The following AGBL1 variants were observed in gnomAD, a reference collection of about 807,000 sequenced individuals.
AGBL1 encodes cytosolic carboxypeptidase 4.
In AGBL1, 130 loss-of-function variants were observed where a neutral mutation model predicts 118.9. The observed-to-expected ratio is 1.09, with a 90% CI of 0.95 to 1.26. The LOEUF is 1.26. Among genes scored for constraint, AGBL1 ranks in the 50% most tolerant of loss-of-function variants. The pLI, the probability that AGBL1 is intolerant of heterozygous loss-of-function variation, is 0.00. For synonymous variants in AGBL1, 555 were observed against 478.9 expected, an observed-to-expected ratio of 1.16 and a Z score of -2.08; for missense variants, 1,584 against 1,298.1, an observed-to-expected ratio of 1.22 and a Z score of -3.38.
At chr15:86,296,040 A>C (rs183271226) in intron 17 of AGBL1, 13 of 152,700 alleles carry the variant, frequency 8.5e-5, no homozygotes, top group Admixed American at 3.3e-4. Context: ...ACGTGTATAC[A>C]TGTGTAGACA....
intron 3 of AGBL1, among the ~76,000 whole-genome samples, chr15:86,145,246 C>G (rs990644614): frequency 6.6e-6 from 1 of 152,204 alleles, no homozygotes; most frequent in Non-Finnish European, 1.5e-5. Context: ...ATTCAATCCA[C>G]TACAAGTCAC....
intron 22 of AGBL1, among the ~76,000 whole-genome samples, chr15:86,683,800 T>C (rs918161437): frequency 6.6e-6 from 1 of 152,196 alleles, no homozygotes; most frequent in Admixed American, 6.5e-5. Context: ...ATAAAACTTT[T>C]GAAGTTTTCC....
intron 5 of AGBL1, among the ~76,000 whole-genome samples, chr15:86,210,833 A>C (rs912547993): frequency 4.6e-5 from 7 of 152,130 alleles, no homozygotes; most frequent in Non-Finnish European, 8.8e-5. Context: ...CGTCAGTGTC[A>C]TTCTCCGTCC....
chr15:86,320,670 T>C lies in AGBL1; in HGVS notation c.2374+25262T>C, dbSNP rs150711043. Among the ~76,000 whole-genome samples, 627 of 152,202 alleles carry C rather than the reference T, an allele frequency of 4.1e-3. 6 individuals are homozygous for C. Among genetic ancestry groups the C allele is most frequent in the African/African-American group, 0.014 (586 of 41,534 alleles). On this transcript the variant is annotated intron_variant, in intron 17 of 22. Transcript: ENST00000614907. ...GTATTGTTTCTGATCTTCAAAGAAA[T>C]GCTCTTAACGTCTTACTATTAAGTA...
intron 22 of AGBL1, among the ~76,000 whole-genome samples, chr15:86,785,779 T>C (rs1454965502): frequency 6.6e-6 from 1 of 152,028 alleles, no homozygotes; most frequent in East Asian, 1.9e-4. Context: ...AAGAAATAAA[T>C]CAGGTAATCG....
At position 86,982,771 on chromosome 15, in the gene AGBL1, G is replaced by A. The variant is rs1017757815; in HGVS notation, c.3222-5216G>A. ...ATTGTAAGAATACAGTATATAATAC[G>A]AAATAAGTGTTAACTGTTTTTGCTA... On this transcript the variant is annotated intron_variant, in intron 23 of 24. Coordinates refer to the AGBL1 transcript ENST00000441037. Among the ~76,000 whole-genome samples, 6 of 151,882 alleles carry A rather than the reference G, an allele frequency of 4.0e-5. No individual in the cohort carries two copies. In the South Asian group the frequency reaches 6.2e-4, roughly 16 times the overall value.
intron 21 of AGBL1, among the ~76,000 whole-genome samples, chr15:86,570,302 C>T (rs370995728): frequency 2.6e-5 from 4 of 152,126 alleles, no homozygotes; most frequent in African/African-American, 9.7e-5. Flanking sequence ...TTGACACCAT[C>T]GTGAGAAGGA....
chr15:86,151,759 T>G lies in AGBL1; in HGVS notation c.263-2671T>G, dbSNP rs191147686. Among the ~76,000 whole-genome samples the G allele has an allele frequency of 3.3e-5, 5 of 152,292 alleles. No homozygotes were observed. The East Asian group carries it at 9.6e-4, about 29-fold the overall frequency. On this transcript the variant is annotated intron_variant, in intron 3 of 22. Coordinates refer to ENST00000614907, the MANE Select transcript of AGBL1 (RefSeq NM_001386094.1). Reference sequence around the variant, plus strand: ...TTGTCCCTGTTTGCAGATGACATGATTGTATGTTTAGAAAACCCTATCATC... The same window carrying G: ...TTGTCCCTGTTTGCAGATGACATGAGTGTATGTTTAGAAAACCCTATCATC...
intron 1 of AGBL1, among the ~76,000 whole-genome samples, chr15:86,081,292 C>A (rs545123568): frequency 2.3e-4 from 35 of 152,264 alleles, no homozygotes; most frequent in African/African-American, 7.9e-4. Flanking sequence ...TAATCCACCT[C>A]GGCCTCCCAA....
intron 18 of AGBL1, among the ~76,000 whole-genome samples, chr15:86,408,428 G>A (rs1057060109): frequency 1.4e-4 from 22 of 152,070 alleles, no homozygotes; most frequent in African/African-American, 4.8e-4. Context: ...TAATCTCTTC[G>A]CAGTTAAAGC....
At chr15:86,192,466 G>T (rs887459881) in intron 5 of AGBL1, among the ~76,000 whole-genome samples, 2 of 151,680 alleles carry the variant, frequency 1.3e-5, no homozygotes, top group Non-Finnish European at 2.9e-5. Context: ...TATCACATGG[G>T]CCATTCTAAA....
intron 18 of AGBL1, among the ~76,000 whole-genome samples, chr15:86,401,461 G>T (rs1296498400): frequency 6.6e-6 from 1 of 151,928 alleles, no homozygotes; most frequent in Non-Finnish European, 1.5e-5. Flanking sequence ...AGTTTAATTA[G>T]GTCTCTTTTT....
At chr15:86,870,681 G>T (rs760059562) in intron 22 of AGBL1, among the ~76,000 whole-genome samples, 7 of 152,044 alleles carry the variant, frequency 4.6e-5, no homozygotes, top group Non-Finnish European at 2.9e-5. Context: ...GAAAAAAAAG[G>T]CATCTGATGA....
intron 21 of AGBL1, among the ~76,000 whole-genome samples, chr15:86,660,887 A>G (rs2085527292): frequency 6.6e-6 from 1 of 152,190 alleles, no homozygotes; most frequent in Admixed American, 6.6e-5. Context: ...GTCAAGCAAA[A>G]CTTGAAGGAA....
At chr15:86,574,044 C>G (rs185264839) in intron 21 of AGBL1, among the ~76,000 whole-genome samples, 2 of 150,682 alleles carry the variant, frequency 1.3e-5, no homozygotes, top group Non-Finnish European at 2.9e-5. Context: ...AATAAACAAA[C>G]AAACAAAAAA....
At chr15:86,697,161 AGTTTT>A (rs2086277677) in intron 22 of AGBL1, among the ~76,000 whole-genome samples, 1 of 151,932 alleles carries the variant, frequency 6.6e-6, no homozygotes, top group African/African-American at 2.4e-5. Context: ...AGGCCAGGGA[AGTTTT>A]CCTCAATTAT....
intron 22 of AGBL1, among the ~76,000 whole-genome samples, chr15:86,752,413 A>C (rs1239560186): frequency 6.6e-6 from 1 of 152,146 alleles, no homozygotes; most frequent in African/African-American, 2.4e-5. Context: ...TTAAAGACAA[A>C]GCCATTCATC....
chr15:86,848,541 A>G (rs2079352025), intron 22 of AGBL1, among the ~76,000 whole-genome samples: 1 of 152,146 alleles, frequency 6.6e-6, no homozygotes, highest in African/African-American at 2.4e-5. Context: ...CCCCTTTATA[A>G]TACATGGTCC....
Position 87,021,763 on chromosome 15 carries a change from A to G in AGBL1, c.3324-7062A>G, listed in dbSNP as rs144073844. 4.6e-3 allele frequency among the ~76,000 whole-genome samples: 698 copies of G among 152,242 alleles called. 9 individuals carry two copies. Among genetic ancestry groups the G allele is most frequent in the African/African-American group, 0.014 (563 of 41,562 alleles). ...ATCATGGCAGATGGGAGGCAGGACT[A>G]GACTGCAGCTCTAACTCAGACAGAG... On this transcript the variant is annotated intron_variant, in intron 24 of 24. Transcript: ENST00000441037.
Sources: gnomAD v4.1 joint callset for allele counts (sites outside exome capture counted in the v4.1 genomes callset) on GRCh38, gnomAD v4.1.1 for gene constraint, MANE v1.5 for transcripts, NCBI Gene and HGNC (gene_info 2026-07-23, HGNC 2026-07-21) for gene names.